ZNF383: variants seen among roughly 807,000 people sequenced by gnomAD.
ZNF383 encodes the protein zinc finger protein 383.
A neutral mutation model predicts 44.2 loss-of-function variants in ZNF383; 32 were observed. The observed-to-expected ratio is 0.72, with a 90% CI of 0.55 to 0.97. ZNF383 has a LOEUF of 0.97. Among genes scored for constraint, ZNF383 ranks in the 50% least tolerant of loss-of-function variants. The pLI, the probability that ZNF383 is intolerant of heterozygous loss-of-function variation, is 0.00. For synonymous variants in ZNF383, 155 were observed against 186.2 expected (o/e 0.83, Z 1.36); for missense variants, 487 against 562.5 (o/e 0.87, Z 1.36).
At chr19:37,235,273 CA>C (rs929742693) in intron 3 of ZNF383, among the ~76,000 whole-genome samples, 1,976 of 96,456 alleles carry the variant, frequency 0.02, 30 homozygotes, top group African/African-American at 0.061. Context: ...ATTTCTGTCT[CA>C]AAAAAAAAAA....
At position 37,242,984 on chromosome 19, in the gene ZNF383, G is replaced by C. The variant is rs1179328481; in HGVS notation, c.748G>C (p.Gly250Arg). 1 of 1,613,880 alleles carries C rather than the reference G, an allele frequency of 6.2e-7. No individual in the cohort carries two copies. The change falls in exon 6 of 6, where the codon GGT becomes CGT. Residue 250 changes from glycine (G) to arginine (R), a missense_variant. By Grantham distance (125) the Gly-to-Arg change is moderately radical. Coordinates refer to ENST00000684119, the MANE Select transcript of ZNF383 (RefSeq NM_001387601.1). Reference protein sequence around the residue: ...YLSQHQRIHTGKKPYECKECG... With the variant: ...YLSQHQRIHTRKKPYECKECG... The stretch of plus-strand genomic sequence containing the variant: ...TTCTCAACATCAGAGAATCCATACC[G>C]GTAAGAAACCCTATGAATGTAAGGA...
chr19:37,239,157 A>C (rs1973959689), intron 5 of ZNF383, among the ~76,000 whole-genome samples: 1 of 152,124 alleles, frequency 6.6e-6, no homozygotes, highest in Non-Finnish European at 1.5e-5. Context: ...TGACCTCATG[A>C]TCCACCTGCC....
At chr19:37,233,926 G>A (rs948818539) in intron 3 of ZNF383, among the ~76,000 whole-genome samples, 69 of 151,648 alleles carry the variant, frequency 4.6e-4, no homozygotes, top group African/African-American at 1.5e-3. Context: ...GTGCAATGGC[G>A]CAATCTCTGC....
At position 37,243,413 on chromosome 19, in the gene ZNF383, C is replaced by A; in HGVS notation, c.1177C>A (p.Pro393Thr). ...TCAGAGAATTCACGCTGGTGAGAAA[C>A]CCTTTGAATGTCTTGAATGTGGGAA... ...QHQRIHAGEK[P>T]FECLECGKAF... is the part of the protein sequence containing the mutation. The change falls in exon 6 of 6, where the codon CCC becomes ACC. Residue 393 changes from proline (P) to threonine (T), a missense_variant. Pro to Thr is a conservative substitution (Grantham distance 38). Coordinates refer to ENST00000684119, the MANE Select transcript of ZNF383 (RefSeq NM_001387601.1). The A allele has an allele frequency of 6.2e-7, 1 of 1,614,136 alleles. No homozygotes were observed. Among genetic ancestry groups the A allele is most frequent in the Non-Finnish European group, 8.5e-7 (1 of 1,180,032 alleles).
chr19:37,242,822 A>C lies in ZNF383; in HGVS notation c.586A>C (p.Lys196Gln), dbSNP rs573604944. 3.1e-6 allele frequency: 5 copies of C among 1,614,172 alleles called. No homozygotes were observed. The highest frequency in any genetic ancestry group is 1.7e-5 in the Admixed American group (1 of 60,026). ...ACATCAGAGAATTCATATTGGTGAA[A>C]AATCTTATGAATGTAAAGAGTGTGG... ...IQHQRIHIGEKSYECKECGKF... is the reference protein window; with the variant it reads ...IQHQRIHIGEQSYECKECGKF... Residue 196 changes from lysine (K) to glutamine (Q), a missense_variant, in exon 6 of 6, where the codon AAA becomes CAA. Lys to Gln is a moderately conservative substitution (Grantham distance 53, BLOSUM62 1). Transcript: ENST00000684119.
chr19:37,238,011 C>T (rs549757830), intron 5 of ZNF383, among the ~76,000 whole-genome samples: 15 of 152,066 alleles, frequency 9.9e-5, no homozygotes, highest in African/African-American at 3.1e-4. Context: ...CACAGGCACA[C>T]GTCACCACGC....
At chr19:37,240,778 C>G (rs1251005519) in intron 5 of ZNF383, among the ~76,000 whole-genome samples, 1 of 152,112 alleles carries the variant, frequency 6.6e-6, no homozygotes, top group Non-Finnish European at 1.5e-5. Flanking sequence ...TGTCTCTTCC[C>G]TCATGTGAAT....
At chr19:37,223,760 G>T (rs912234916) in intron 1 of ZNF383, among the ~76,000 whole-genome samples, 1 of 152,108 alleles carries the variant, frequency 6.6e-6, no homozygotes, top group African/African-American at 2.4e-5. Context: ...TTGGCCGGGC[G>T]CAGTGGCTCA....
rs1424734404 is a variant in ZNF383 at position 37,242,853 on chromosome 19, T to A, written c.617T>A (p.Phe206Tyr). Residue 206 changes from phenylalanine (F) to tyrosine (Y), a missense_variant, in exon 6 of 6, where the codon TTC becomes TAC. By Grantham distance (22) the Phe-to-Tyr change is conservative. Transcript: ENST00000684119. The stretch of plus-strand genomic sequence containing the variant: ...TATGAATGTAAAGAGTGTGGGAAAT[T>A]CTTTAGTTGTGGTTCACATGTTACT... The part of the protein sequence containing the change: ...KSYECKECGK[F>Y]FSCGSHVTRH... 6.2e-7 allele frequency: 1 copy of A among 1,613,740 alleles called. No homozygotes were observed. The highest frequency in any genetic ancestry group is 8.5e-7 in the Non-Finnish European group (1 of 1,179,866).
chr19:37,232,393 A>G (rs1043028312), intron 3 of ZNF383, among the ~76,000 whole-genome samples: 3 of 152,132 alleles, frequency 2.0e-5, no homozygotes, highest in Non-Finnish European at 4.4e-5. Context: ...ACGTAGGTCT[A>G]TATAGCTAAC....
chr19:37,237,509 C>G (rs767851715), intron 5 of ZNF383, among the ~76,000 whole-genome samples: 1 of 152,190 alleles, frequency 6.6e-6, no homozygotes, highest in Non-Finnish European at 1.5e-5. Context: ...AGGGCTGGGA[C>G]TGTAGTATTC....
At position 37,243,665 on chromosome 19, in the gene ZNF383, T is replaced by C; in HGVS notation, c.*1T>C. On this transcript the variant is annotated 3_prime_UTR_variant, in exon 6 of 6. Transcript: ENST00000684119. The stretch of plus-strand genomic sequence containing the variant: ...TCAGGGAATTCATACTAATAAATAA[T>C]AAAAATTAAAGCCCCTGTCACCTTC... 3 of 1,489,648 alleles carry C rather than the reference T, an allele frequency of 2.0e-6. No homozygotes were observed. The highest frequency in any genetic ancestry group is 1.5e-5 in the South Asian group (1 of 67,984). The allele number at this position is 1,489,648 out of a possible 1,614,324, so 92.3% of individuals were successfully genotyped here. A position where few individuals can be genotyped will look rare whatever the true frequency, so the allele number is the denominator to read the frequency against.
At position 37,248,419 on chromosome 19, in the gene ZNF383, A is replaced by G. The variant is rs1974442305; in HGVS notation, c.*4755A>G. ...AAATCTAGTAACCCATTGAAAATAA[A>G]TATTTGTCACATTCTGAATTTAGGA... On this transcript the variant is annotated 3_prime_UTR_variant, in exon 6 of 6. Transcript: ENST00000684119. 1 of 152,248 alleles carries G rather than the reference A, an allele frequency of 6.6e-6. No homozygotes were observed. Among genetic ancestry groups the G allele is most frequent in the Non-Finnish European group, 1.5e-5 (1 of 68,046 alleles). The allele number at this position is 152,248 out of a possible 1,614,324, so 9.4% of individuals were successfully genotyped here. A position where few individuals can be genotyped will look rare whatever the true frequency, so the allele number is the denominator to read the frequency against.
In ZNF383 at chr19:37,243,472, T is replaced by C. The variant is rs1568534448; in HGVS notation, c.1236T>C (p.His412=). 1 of 1,614,028 alleles carries C rather than the reference T, an allele frequency of 6.2e-7. No individual in the cohort carries two copies. The highest frequency in any genetic ancestry group is 8.5e-7 in the Non-Finnish European group (1 of 1,179,902). Reference sequence around the variant, plus strand: ...CTCAGAACTCACAACTTTTCCAGCATCAGAGAATTCATACAGATGAAAAAC... The same window carrying C: ...CTCAGAACTCACAACTTTTCCAGCACCAGAGAATTCATACAGATGAAAAAC... ...AFTQNSQLFQ[H]QRIHTDEKPY... The change falls in exon 6 of 6, where the codon CAT becomes CAC. Residue 412 remains histidine (H), a synonymous_variant. Coordinates refer to ENST00000684119, the MANE Select transcript of ZNF383 (RefSeq NM_001387601.1).
chr19:37,239,944 G>A (rs1009195019), intron 5 of ZNF383, among the ~76,000 whole-genome samples: 1 of 152,146 alleles, frequency 6.6e-6, no homozygotes, highest in African/African-American at 2.4e-5. Flanking sequence ...AGGATCATGA[G>A]GTCAGGAGAT....
In ZNF383 at chr19:37,236,012, T is replaced by C; in HGVS notation, c.170T>C (p.Leu57Ser). The C allele has an allele frequency of 6.2e-7, 1 of 1,613,776 alleles. No individual in the cohort carries two copies. The highest frequency in any genetic ancestry group is 8.5e-7 in the Non-Finnish European group (1 of 1,179,872). The part of the protein sequence containing the change: ...LYTPKPQVIS[L>S]LEQGKEPWMV... ...ACTCCTAAGCCTCAAGTGATCTCCT[T>C]ATTGGAACAAGGGAAAGAGCCCTGG... The change falls in exon 5 of 6, where the codon TTA becomes TCA. Residue 57 changes from leucine (L) to serine (S), a missense_variant. By Grantham distance (145) the Leu-to-Ser change is moderately radical. Coordinates refer to ENST00000684119, the MANE Select transcript of ZNF383 (RefSeq NM_001387601.1).
rs780922670 is a variant in ZNF383, at chr19:37,243,506, T to C, written c.1270T>C (p.Cys424Arg). ...TCATACAGATGAAAAACCATATGAA[T>C]GTAATGAATGTGGAAAGGCCTTTAA... ...RIHTDEKPYE[C>R]NECGKAFNKC... The change falls in exon 6 of 6, where the codon TGT (cysteine) becomes CGT (arginine). Residue 424 changes from cysteine to arginine, a missense_variant. Cys to Arg is a radical substitution (Grantham distance 180). Coordinates refer to ENST00000684119, the MANE Select transcript of ZNF383 (RefSeq NM_001387601.1). 2 of 1,614,058 alleles carry C rather than the reference T, an allele frequency of 1.2e-6. No homozygotes were observed. The highest frequency in any genetic ancestry group is 8.5e-7 in the Non-Finnish European group (1 of 1,180,004).
At chr19:37,224,035 G>GA (rs768388383) in intron 1 of ZNF383, among the ~76,000 whole-genome samples, 18 of 141,776 alleles carry the variant, frequency 1.3e-4, no homozygotes, top group African/African-American at 3.4e-4. Flanking sequence ...CTCCATCTCA[G>GA]AAAAAAAAAA....
At chr19:37,230,144 C>T (rs995561092) in intron 2 of ZNF383, among the ~76,000 whole-genome samples, 5 of 151,998 alleles carry the variant, frequency 3.3e-5, no homozygotes, top group African/African-American at 1.2e-4. Flanking sequence ...TGAGGTGGGA[C>T]AAGGTCTGGC....
Sources: gnomAD v4.1 joint callset for allele counts (sites outside exome capture counted in the v4.1 genomes callset) on GRCh38, gnomAD v4.1.1 for gene constraint, MANE v1.5 for transcripts, NCBI Gene and HGNC (gene_info 2026-07-23, HGNC 2026-07-21) for gene names.